Variants in HIVEP3 observed in about 807,000 individuals in gnomAD.
HIVEP3 encodes transcription factor HIVEP3.
In HIVEP3, 49 loss-of-function variants were observed where a neutral mutation model predicts 152.8. The observed-to-expected ratio is 0.32, with a 90% CI of 0.26 to 0.41. The LOEUF is 0.41. Among genes scored for constraint, HIVEP3 ranks in the 10% least tolerant of loss-of-function variants. HIVEP3 has a pLI of 1.00. For missense variants in HIVEP3, 2,790 were observed against 3,103.3 expected (o/e 0.90, Z 2.40); for synonymous variants, 1,269 against 1,289.0 (o/e 0.98, Z 0.33).
intron 1 of HIVEP3, among the ~76,000 whole-genome samples, chr1:41,990,602 A>G: frequency 6.7e-6 from 1 of 149,100 alleles, no homozygotes; most frequent in Non-Finnish European, 1.5e-5. Flanking sequence ...CGAGACAGAA[A>G]GTCAACAAGG....
intron 1 of HIVEP3, among the ~76,000 whole-genome samples, chr1:41,765,948 C>A: frequency 6.6e-6 from 1 of 152,222 alleles, no homozygotes; most frequent in Middle Eastern, 3.2e-3. Flanking sequence ...TCTCTCTGAG[C>A]CTGCCCTGGC....
intron 2 of HIVEP3, among the ~76,000 whole-genome samples, chr1:41,679,053 G>T (rs1227985908): frequency 6.6e-6 from 1 of 152,164 alleles, no homozygotes; most frequent in African/African-American, 2.4e-5. Flanking sequence ...GCTCCACAAG[G>T]GATACATCTC....
intron 1 of HIVEP3, among the ~76,000 whole-genome samples, chr1:41,911,112 A>G (rs1644789606): frequency 6.6e-6 from 1 of 152,158 alleles, no homozygotes; most frequent in Non-Finnish European, 1.5e-5. Context: ...GGCAACACAG[A>G]GAAATAGTCT....
In HIVEP3 at chr1:41,510,768, G is replaced by C. The variant is rs1399292025; in HGVS notation, c.6904C>G (p.Pro2302Ala). The C allele has an allele frequency of 6.2e-7, 1 of 1,600,234 alleles. No homozygotes were observed. Among genetic ancestry groups the C allele is most frequent in the South Asian group, 1.1e-5 (1 of 89,856 alleles). Residue 2302 changes from proline to alanine, a missense_variant, in exon 9 of 9, where the codon CCC becomes GCC. Physicochemically the swap from Pro to Ala is conservative, Grantham distance 27 (BLOSUM62 -1). This residue lies in a region of HIVEP3 where 816 missense variants were observed against 806.5 expected (regional missense o/e 1.01). Transcript: ENST00000372583. ...GTGCAGGGGCTGTGCGTGGGTGTGG[G>C]CTCTGCAGGTGCCCCGGTCCCATGG... The part of the protein sequence containing the change: ...TPHGTGAPAE[P>A]TPTHSPCTPP...
intron 2 of HIVEP3, among the ~76,000 whole-genome samples, chr1:41,660,159 G>A (rs1645691469): frequency 6.6e-6 from 1 of 152,162 alleles, no homozygotes; most frequent in Non-Finnish European, 1.5e-5. Context: ...ACAAGTGGGT[G>A]TTTGAGTGTG....
intron 7 of HIVEP3, among the ~76,000 whole-genome samples, chr1:41,515,395 C>G (rs886207271): frequency 6.6e-6 from 1 of 152,166 alleles, no homozygotes; most frequent in Admixed American, 6.5e-5. Flanking sequence ...AGGCTAGAGG[C>G]AGGGTGATGA....
At chr1:41,632,011 T>G (rs1645202077) in intron 2 of HIVEP3, among the ~76,000 whole-genome samples, 2 of 151,950 alleles carry the variant, frequency 1.3e-5, no homozygotes, top group African/African-American at 4.8e-5. Context: ...CCTCAGGAGG[T>G]TCAGCTAGCT....
At chr1:42,015,978 T>C (rs948067430) in intron 1 of HIVEP3, among the ~76,000 whole-genome samples, 1 of 152,206 alleles carries the variant, frequency 6.6e-6, no homozygotes, top group African/African-American at 2.4e-5. Context: ...TTAGACACTG[T>C]AATTGCTGGT....
intron 1 of HIVEP3, among the ~76,000 whole-genome samples, chr1:41,926,205 A>G (rs1053115203): frequency 1.3e-5 from 2 of 152,206 alleles, no homozygotes; most frequent in African/African-American, 4.8e-5. Context: ...CTGTGCCCTA[A>G]GCCATACAAC....
intron 7 of HIVEP3, among the ~76,000 whole-genome samples, chr1:41,514,678 A>G (rs572279100): frequency 3.3e-5 from 5 of 152,308 alleles, no homozygotes; most frequent in Non-Finnish European, 7.4e-5. Flanking sequence ...TTCGACCTAC[A>G]TGTGGCTGAA....
chr1:41,860,022 A>G (rs1643867855), intron 1 of HIVEP3, among the ~76,000 whole-genome samples: 1 of 152,136 alleles, frequency 6.6e-6, no homozygotes, highest in Non-Finnish European at 1.5e-5. Context: ...TTACACTGGG[A>G]TCATTTCACT....
chr1:41,968,193 T>C (rs1185548620), intron 1 of HIVEP3, among the ~76,000 whole-genome samples: 1 of 152,074 alleles, frequency 6.6e-6, no homozygotes, highest in Admixed American at 6.5e-5. Context: ...CCCTAACTCA[T>C]TTTATGAGGC....
intron 1 of HIVEP3, among the ~76,000 whole-genome samples, chr1:41,966,472 A>ATTTTTTTTTTTTT (rs1217444785): frequency 6.7e-4 from 31 of 46,534 alleles, no homozygotes; most frequent in African/African-American, 1.9e-3. Flanking sequence ...AGTGTGCTGT[A>ATTTTTTTTTTTTT]TTCTTTTTTT....
At chr1:41,784,928 T>C (rs1229783473) in intron 1 of HIVEP3, among the ~76,000 whole-genome samples, 1 of 152,166 alleles carries the variant, frequency 6.6e-6, no homozygotes, top group African/African-American at 2.4e-5. Flanking sequence ...TAAATGCCTG[T>C]CTCCACATGG....
intron 1 of HIVEP3, among the ~76,000 whole-genome samples, chr1:41,927,776 T>C (rs918413954): frequency 3.3e-5 from 5 of 152,136 alleles, no homozygotes; most frequent in African/African-American, 1.2e-4. Flanking sequence ...AAAAACGGCT[T>C]GTAGGCAGGG....
intron 1 of HIVEP3, among the ~76,000 whole-genome samples, chr1:41,946,956 T>A (rs980795186): frequency 6.6e-6 from 1 of 152,298 alleles, no homozygotes; most frequent in South Asian, 2.1e-4. Context: ...GAGGCCGTTG[T>A]TCCTCTATAC....
chr1:42,023,448 T>C (rs1379044245), intron 1 of HIVEP3, among the ~76,000 whole-genome samples: 1 of 152,218 alleles, frequency 6.6e-6, no homozygotes, highest in Non-Finnish European at 1.5e-5. Context: ...AGCCCATTGA[T>C]ATGGTTTGGA....
chr1:41,982,350 C>A (rs114347827), intron 1 of HIVEP3, among the ~76,000 whole-genome samples: 37 of 152,294 alleles, frequency 2.4e-4, no homozygotes, highest in African/African-American at 8.9e-4. Context: ...GATGGAACTG[C>A]GTCCCTCTCA....
chr1:41,920,392 C>G (rs974125586), upstream of HIVEP3, among the ~76,000 whole-genome samples: 3 of 152,106 alleles, frequency 2.0e-5, no homozygotes, highest in Non-Finnish European at 2.9e-5. Flanking sequence ...CCCAGCCCCC[C>G]GGGGAATAGG....
Sources: gnomAD v4.1 joint callset for allele counts (sites outside exome capture counted in the v4.1 genomes callset) on GRCh38, gnomAD v4.1.1 for gene constraint, gnomAD v4.1.1 regional missense constraint, MANE v1.5 for transcripts, NCBI Gene and HGNC (gene_info 2026-07-23, HGNC 2026-07-21) for gene names.